PRKD1: variants seen among roughly 807,000 people sequenced by gnomAD.
PRKD1 encodes serine/threonine-protein kinase D1.
A neutral mutation model predicts 95.9 loss-of-function variants in PRKD1; 63 were observed. The observed-to-expected ratio is 0.66, with a 90% CI of 0.54 to 0.81. The LOEUF is 0.81. Among genes scored for constraint, PRKD1 ranks in the 30% least tolerant of loss-of-function variants. PRKD1 has a pLI of 0.00. For synonymous variants in PRKD1, 425 were observed against 423.1 expected (o/e 1.00, Z -0.05); for missense variants, 1,048 against 1,165.3 (o/e 0.90, Z 1.47).
chr14:29,613,137 A>C (rs1878596662), intron 13 of PRKD1, among the ~76,000 whole-genome samples: 1 of 152,246 alleles, frequency 6.6e-6, no homozygotes, highest in South Asian at 2.1e-4. Context: ...CAAGGAAAGA[A>C]ATATTTGAAG....
At chr14:29,789,698 C>T (rs1889446687) in intron 1 of PRKD1, among the ~76,000 whole-genome samples, 1 of 152,134 alleles carries the variant, frequency 6.6e-6, no homozygotes, top group African/African-American at 2.4e-5. Flanking sequence ...CCCATCTTTA[C>T]ACCCCTAGAC....
intron 2 of PRKD1, among the ~76,000 whole-genome samples, chr14:29,722,945 T>A (rs1885968514): frequency 6.6e-6 from 1 of 151,912 alleles, no homozygotes; most frequent in Non-Finnish European, 1.5e-5. Flanking sequence ...AGTGAAAAAG[T>A]CAGGGAACAG....
At chr14:29,629,831 C>T (rs1241587829) in intron 10 of PRKD1, among the ~76,000 whole-genome samples, 1 of 151,954 alleles carries the variant, frequency 6.6e-6, no homozygotes, top group Non-Finnish European at 1.5e-5. Flanking sequence ...ACGTCAATAC[C>T]CTGCACAGAA....
At chr14:29,601,710 G>A (rs746831005) in intron 13 of PRKD1, among the ~76,000 whole-genome samples, 8 of 152,168 alleles carry the variant, frequency 5.3e-5, no homozygotes, top group Non-Finnish European at 1.0e-4. Context: ...AGAGGCTAAG[G>A]AGGCGACTAA....
At chr14:29,743,704 C>T (rs983950503) in intron 1 of PRKD1, among the ~76,000 whole-genome samples, 1 of 152,180 alleles carries the variant, frequency 6.6e-6, no homozygotes, top group Non-Finnish European at 1.5e-5. Flanking sequence ...TCCCTTGAAT[C>T]GACTCCAGGC....
At chr14:29,726,487 G>T (rs1329554092) in intron 1 of PRKD1, among the ~76,000 whole-genome samples, 1 of 152,134 alleles carries the variant, frequency 6.6e-6, no homozygotes, top group Non-Finnish European at 1.5e-5. Flanking sequence ...CAGGGAAAAA[G>T]AAAATTATCT....
At position 29,826,830 on chromosome 14, in the gene PRKD1, T is replaced by TATACAC. The variant is rs1566623114; in HGVS notation, c.264+100418_264+100419insGTGTAT. On this transcript the variant is annotated intron_variant, in intron 1 of 17. Coordinates refer to ENST00000331968, the MANE Select transcript of PRKD1 (RefSeq NM_002742.3). The stretch of plus-strand genomic sequence containing the variant: ...ATATATATACACATATATATATATA[T>TATACAC]ATATATATACACACATATATATATA... Among the ~76,000 whole-genome samples, 19 of 27,882 alleles carry TATACAC rather than the reference T, an allele frequency of 6.8e-4. 5 individuals are homozygous for TATACAC. The highest frequency in any genetic ancestry group is 1.0e-3 in the Admixed American group (2 of 1,952). The allele number at this position is 27,882 out of a possible 152,430, so 18.3% of individuals were successfully genotyped here.
intron 1 of PRKD1, among the ~76,000 whole-genome samples, chr14:29,754,569 A>G (rs991979318): frequency 6.6e-6 from 1 of 152,202 alleles, no homozygotes; most frequent in Admixed American, 6.6e-5. Flanking sequence ...TTTTCCAATT[A>G]TCTATTAATC....
chr14:29,745,052 G>C (rs1337063800), intron 1 of PRKD1, among the ~76,000 whole-genome samples: 2 of 151,844 alleles, frequency 1.3e-5, no homozygotes, highest in African/African-American at 4.8e-5. Context: ...CTTTGTGCTT[G>C]TGGCTCCTCC....
intron 13 of PRKD1, among the ~76,000 whole-genome samples, chr14:29,623,204 T>C (rs1012400089): frequency 2.6e-5 from 4 of 152,216 alleles, no homozygotes; most frequent in Non-Finnish European, 5.9e-5. Flanking sequence ...ACATCATCTT[T>C]AGAAATTCTG....
At chr14:29,874,010 T>A (rs1373773233) in intron 1 of PRKD1, among the ~76,000 whole-genome samples, 1 of 152,180 alleles carries the variant, frequency 6.6e-6, no homozygotes, top group Non-Finnish European at 1.5e-5. Flanking sequence ...TTATGAAAAT[T>A]TATTTGCTAG....
intron 1 of PRKD1, among the ~76,000 whole-genome samples, chr14:29,813,219 T>A (rs1401882703): frequency 6.6e-6 from 1 of 152,220 alleles, no homozygotes; most frequent in Non-Finnish European, 1.5e-5. Flanking sequence ...TGCAAAAGCA[T>A]ATCTTTATTT....
chr14:29,686,832 T>C (rs1033843820), intron 2 of PRKD1, among the ~76,000 whole-genome samples: 7 of 152,222 alleles, frequency 4.6e-5, no homozygotes, highest in African/African-American at 1.7e-4. Context: ...TAGAAGGAAA[T>C]ACATTATTTT....
chr14:29,903,372 T>G (rs1254951662), intron 1 of PRKD1, among the ~76,000 whole-genome samples: 2 of 152,298 alleles, frequency 1.3e-5, no homozygotes, highest in African/African-American at 4.8e-5. Flanking sequence ...TTTAAAAATC[T>G]GGGAGAAGGG....
At chr14:29,613,003 C>A (rs1447055396) in intron 13 of PRKD1, among the ~76,000 whole-genome samples, 4 of 151,986 alleles carry the variant, frequency 2.6e-5, no homozygotes, top group African/African-American at 9.7e-5. Flanking sequence ...GAGGCTGAGG[C>A]AGGAGAATGG....
chr14:29,656,138 A>G (rs1289431890), intron 4 of PRKD1, among the ~76,000 whole-genome samples: 2 of 152,134 alleles, frequency 1.3e-5, no homozygotes, highest in Non-Finnish European at 2.9e-5. Context: ...TTCATTCTCA[A>G]TATGTCTGCT....
At chr14:29,618,656 T>C (rs1485417905) in intron 13 of PRKD1, among the ~76,000 whole-genome samples, 3 of 152,206 alleles carry the variant, frequency 2.0e-5, no homozygotes, top group Non-Finnish European at 1.5e-5. Context: ...ATGTAAATGA[T>C]ATGCCATAAG....
At chr14:29,595,393 A>G (rs1408198255) in intron 16 of PRKD1, among the ~76,000 whole-genome samples, 2 of 152,132 alleles carry the variant, frequency 1.3e-5, no homozygotes, top group African/African-American at 4.8e-5. Context: ...CCACCTAGGT[A>G]ACAATTAAAG....
At chr14:29,630,697 G>A (rs774117016) in intron 10 of PRKD1, 45 bp downstream of exon 10, 17 of 1,611,264 alleles carry the variant, frequency 1.1e-5, no homozygotes, top group South Asian at 3.3e-5. Flanking sequence ...GCAAGGGGTA[G>A]GCACATGATG....
Sources: allele counts gnomAD v4.1 joint callset (sites outside exome capture counted in the v4.1 genomes callset), GRCh38; gene constraint gnomAD v4.1.1; transcripts MANE v1.5; gene names NCBI Gene and HGNC (gene_info 2026-07-23, HGNC 2026-07-21).